Variants in HDAC4 observed in about 807,000 individuals in gnomAD.
HDAC4 encodes histone deacetylase A.
In HDAC4, 16 loss-of-function variants were observed where a neutral mutation model predicts 135.1. The ratio of observed to expected loss-of-function variants is 0.12; its 90% CI spans 0.08 to 0.18. The LOEUF (loss-of-function observed/expected upper bound fraction) is 0.18. Among genes scored for constraint, HDAC4 ranks in the 10% least tolerant of loss-of-function variants. The pLI is 1.00. For synonymous variants in HDAC4, 685 were observed against 653.4 expected, an observed-to-expected ratio of 1.05 and a Z score of -0.74; for missense variants, 1,143 against 1,511.8, an observed-to-expected ratio of 0.76 and a Z score of 4.05.
chr2:239,249,339 G>C (rs2048648552), intron 2 of HDAC4, among the ~76,000 whole-genome samples: 1 of 152,206 alleles, frequency 6.6e-6, no homozygotes, highest in African/African-American at 2.4e-5. Context: ...GAAGGCGGGG[G>C]AGGCGGAGAG....
At chr2:239,334,343 C>T (rs12475580) in intron 2 of HDAC4, among the ~76,000 whole-genome samples, 50,631 of 151,502 alleles carry the variant, frequency 0.33, 9,422 homozygotes, top group Non-Finnish European at 0.43. Context: ...AACATGGTGA[C>T]GCCCCGTCTC....
rs536838824 is a variant in HDAC4, at chr2:239,157,532, G to A, written c.612-759C>T. On this transcript the variant is annotated intron_variant, in intron 6 of 26. Transcript: ENST00000543185. ...ATGGGGAGGAGGCGGGCCCTGGGCC[G>A]GGACGGGGATGTGGGCTGCCACCCG... Among the ~76,000 whole-genome samples, 84 of 152,330 alleles carry A rather than the reference G, an allele frequency of 5.5e-4. 1 individual carries two copies. The highest frequency in any genetic ancestry group is 1.9e-3 in the African/African-American group (79 of 41,576).
chr2:239,109,747 G>A (rs1458799202), intron 14 of HDAC4, among the ~76,000 whole-genome samples: 1 of 152,134 alleles, frequency 6.6e-6, no homozygotes, highest in Non-Finnish European at 1.5e-5. Context: ...AGGCAATGAC[G>A]GACACTGCCC....
intron 24 of HDAC4, among the ~76,000 whole-genome samples, chr2:239,059,349 G>A (rs2032334713): frequency 6.6e-6 from 1 of 152,186 alleles, no homozygotes; most frequent in Non-Finnish European, 1.5e-5. Context: ...AAGAAAAAAG[G>A]ATGCTGCAGT....
At chr2:239,276,672 C>T (rs1405873264) in intron 2 of HDAC4, among the ~76,000 whole-genome samples, 1 of 151,948 alleles carries the variant, frequency 6.6e-6, no homozygotes, top group Non-Finnish European at 1.5e-5. Context: ...CTGCCTGCTG[C>T]CGGAACACTG....
intron 2 of HDAC4, among the ~76,000 whole-genome samples, chr2:239,269,936 T>C (rs1463449108): frequency 6.6e-6 from 1 of 152,188 alleles, no homozygotes; most frequent in African/African-American, 2.4e-5. Flanking sequence ...TTATCATGTG[T>C]CAGGGCTTCA....
intron 3 of HDAC4, among the ~76,000 whole-genome samples, chr2:239,233,780 C>T (rs1018567221): frequency 6.6e-6 from 1 of 152,182 alleles, no homozygotes; most frequent in African/African-American, 2.4e-5. Context: ...CTTCCTGCTC[C>T]AAGTACACAC....
intron 20 of HDAC4, among the ~76,000 whole-genome samples, chr2:239,083,260 T>C (rs1480629901): frequency 6.6e-6 from 1 of 152,252 alleles, no homozygotes; most frequent in Non-Finnish European, 1.5e-5. Flanking sequence ...CCCCAGTCTT[T>C]AGCCATCAGC....
At chr2:239,390,311 T>C (rs1696112578) in intron 1 of HDAC4, among the ~76,000 whole-genome samples, 1 of 152,144 alleles carries the variant, frequency 6.6e-6, no homozygotes, top group African/African-American at 2.4e-5. Flanking sequence ...GTGGGCAGAC[T>C]GTTTGAGCCC....
In HDAC4 at chr2:239,303,075, C is replaced by T. The variant is rs1340611810; in HGVS notation, c.22+49603G>A. ...CGGGTGGGAGAGGTCATCACCTCCG[C>T]GTACTGAACAGAAGCCCAGCTCAGG... On this transcript the variant is annotated intron_variant, in intron 2 of 26. Coordinates refer to ENST00000543185, the MANE Select transcript of HDAC4 (RefSeq NM_001378414.1). The surrounding 1 kb of genome is among the most constrained non-coding windows in gnomAD (Gnocchi z 5.1). Among the ~76,000 whole-genome samples, 1 of 152,172 alleles carries T rather than the reference C, an allele frequency of 6.6e-6. No homozygotes were observed. Among genetic ancestry groups the T allele is most frequent in the Admixed American group, 6.5e-5 (1 of 15,284 alleles).
intron 1 of HDAC4, among the ~76,000 whole-genome samples, chr2:239,359,562 C>A (rs1230954620): frequency 6.6e-6 from 1 of 152,202 alleles, no homozygotes; most frequent in East Asian, 1.9e-4. Flanking sequence ...TGGGTGGGGA[C>A]CCCTTCCCAG....
intron 15 of HDAC4, among the ~76,000 whole-genome samples, chr2:239,105,594 C>T (rs62189553): frequency 0.028 from 4,279 of 152,250 alleles, 89 homozygotes; most frequent in Non-Finnish European, 0.041. Flanking sequence ...CCTCACCACG[C>T]GAAGCCAACT....
chr2:239,061,341 T>C (rs1050724529), intron 24 of HDAC4, among the ~76,000 whole-genome samples: 4 of 149,900 alleles, frequency 2.7e-5, no homozygotes, highest in African/African-American at 9.9e-5. Context: ...CATACCTGTG[T>C]GGTGCATGTG....
chr2:239,275,105 A>T (rs967726720), intron 2 of HDAC4, among the ~76,000 whole-genome samples: 5 of 152,200 alleles, frequency 3.3e-5, no homozygotes, highest in African/African-American at 1.2e-4. Context: ...CGCTATCATT[A>T]CCATCTCACC....
chr2:239,203,093 G>A (rs556621690), intron 3 of HDAC4, among the ~76,000 whole-genome samples: 147 of 152,314 alleles, frequency 9.7e-4, no homozygotes, highest in Middle Eastern at 6.8e-3. Flanking sequence ...CTGTGCCATA[G>A]GGTGGCAGGC....
rs528051103 is a variant in HDAC4 at position 239,054,455 on chromosome 2, G to C, written c.3088+294C>G. 1.9e-3 allele frequency among the ~76,000 whole-genome samples: 296 copies of C among 152,242 alleles called. 1 individual carries two copies. Among genetic ancestry groups the C allele is most frequent in the African/African-American group, 6.9e-3 (288 of 41,552 alleles). ...AGCCATGGCCCCCGCTGCTAGCTGG[G>C]GACCTAGAGCAAGTGACTCCACACT... On this transcript the variant is annotated intron_variant, in intron 25 of 26. Transcript: ENST00000543185.
intron 22 of HDAC4, among the ~76,000 whole-genome samples, chr2:239,071,943 C>A (rs565332918): frequency 2.0e-5 from 3 of 152,290 alleles, no homozygotes; most frequent in African/African-American, 7.2e-5. Flanking sequence ...TGAATTTTTT[C>A]CTCACAAATT....
intron 2 of HDAC4, among the ~76,000 whole-genome samples, chr2:239,301,472 T>C (rs546208105): frequency 9.3e-6 from 1 of 107,542 alleles, no homozygotes; most frequent in South Asian, 3.0e-4. Flanking sequence ...GCTTTCTTTC[T>C]TTTTTTTTTT....
chr2:239,320,009 G>A (rs2053253509), intron 2 of HDAC4, among the ~76,000 whole-genome samples: 2 of 146,540 alleles, frequency 1.4e-5, no homozygotes, highest in African/African-American at 4.9e-5. Context: ...TGCAGATAAT[G>A]TCTATGAATT....
Sources: allele counts gnomAD v4.1 joint callset (sites outside exome capture counted in the v4.1 genomes callset), GRCh38; gene constraint gnomAD v4.1.1; non-coding constraint Gnocchi (gnomAD v3.1); transcripts MANE v1.5; gene names NCBI Gene and HGNC (gene_info 2026-07-23, HGNC 2026-07-21).